Variants in CYP2B6 observed in about 807,000 individuals in gnomAD.
CYP2B6 encodes the protein cytochrome P450 family 2 subfamily B member 6, also known as cytochrome P450 2B6.
In CYP2B6, 35 loss-of-function variants were observed where a neutral mutation model predicts 43.4. The observed-to-expected ratio is 0.81, with a 90% CI of 0.62 to 1.07. The LOEUF is 1.07. CYP2B6 is among the 50% of genes least tolerant of loss of function. CYP2B6 has a pLI of 0.00. For missense variants in CYP2B6, 624 were observed against 632.8 expected (o/e 0.99, Z 0.15); for synonymous variants, 239 against 239.2 (o/e 1.00, Z 0.01).
In CYP2B6 at chr19:41,012,423, C is replaced by A. The variant is rs776037494; in HGVS notation, c.1090C>A (p.Pro364Thr). The A allele has an allele frequency of 6.2e-7, 1 of 1,614,128 alleles. No individual in the cohort carries two copies. The highest frequency in any genetic ancestry group is 1.1e-5 in the South Asian group (1 of 91,086). ...GATTCAGAGATTTTCCGACCTTCTC[C>A]CCATGGGTGTGCCCCACATTGTCAC... ...YEIQRFSDLLPMGVPHIVTQH... is the reference protein window; with the variant it reads ...YEIQRFSDLLTMGVPHIVTQH... The change falls in exon 7 of 9, where the codon CCC becomes ACC. Residue 364 changes from proline (P) to threonine (T), a missense_variant. Physicochemically the swap from Pro to Thr is conservative, Grantham distance 38 (BLOSUM62 -1). Coordinates refer to ENST00000324071, the MANE Select transcript of CYP2B6 (RefSeq NM_000767.5).
At chr19:41,007,624 ATT>A (rs10617307) in intron 4 of CYP2B6, 6,996 of 147,030 alleles carry the variant, frequency 0.048, 546 homozygotes, top group African/African-American at 0.16. Context: ...CACCTGGCTA[ATT>A]TTTTTTTTTT....
chr19:40,993,415 A>G (rs1968951926), intron 1 of CYP2B6, among the ~76,000 whole-genome samples: 1 of 152,164 alleles, frequency 6.6e-6, no homozygotes, highest in African/African-American at 2.4e-5. Context: ...ACTTACAATC[A>G]TGATGGAAGG....
chr19:41,016,983 T>G lies in CYP2B6; in HGVS notation c.*156T>G, dbSNP rs3211376. The G allele has an allele frequency of 2.1e-4, 139 of 673,348 alleles. 1 individual carries two copies. Among genetic ancestry groups the G allele is most frequent in the African/African-American group, 6.3e-4 (35 of 55,160 alleles). 41.7% of individuals were successfully genotyped at this position (673,348 alleles called of 1,614,324 possible). Reference sequence around the variant, plus strand: ...ATGGCACCAGTTGTCTGAGGTCACATTGCAAGTGAGTGCAGGAGTGAGATT... The same window carrying G: ...ATGGCACCAGTTGTCTGAGGTCACAGTGCAAGTGAGTGCAGGAGTGAGATT... On this transcript the variant is annotated 3_prime_UTR_variant, in exon 9 of 9. Transcript: ENST00000324071.
intron 6 of CYP2B6, among the ~76,000 whole-genome samples, chr19:41,011,430 T>C (rs1568562696): frequency 6.6e-6 from 1 of 152,244 alleles, no homozygotes; most frequent in African/African-American, 2.4e-5. Flanking sequence ...AGTGATTAAT[T>C]AATCAATCCA....
chr19:41,005,698 T>C (rs1969168396), intron 3 of CYP2B6, among the ~76,000 whole-genome samples: 1 of 152,064 alleles, frequency 6.6e-6, no homozygotes, highest in South Asian at 2.1e-4. Context: ...GGAGAATTGA[T>C]TGAGCCTGGG....
At chr19:40,995,699 C>T (rs1307765653) in intron 1 of CYP2B6, among the ~76,000 whole-genome samples, 6 of 152,192 alleles carry the variant, frequency 3.9e-5, no homozygotes, top group Non-Finnish European at 8.8e-5. Context: ...TACAAGAGAT[C>T]TATCTATGTC....
chr19:41,007,879 G>A (rs1969218108), intron 4 of CYP2B6, among the ~76,000 whole-genome samples: 1 of 152,086 alleles, frequency 6.6e-6, no homozygotes, highest in East Asian at 1.9e-4. Flanking sequence ...GCCCGCCTCA[G>A]ACTCCTAAAG....
At chr19:40,993,661 C>T (rs1968956908) in intron 1 of CYP2B6, among the ~76,000 whole-genome samples, 1 of 152,154 alleles carries the variant, frequency 6.6e-6, no homozygotes, top group East Asian at 1.9e-4. Flanking sequence ...AACCATATCA[C>T]TTACCATCAC....
At chr19:41,009,475 T>TCC in intron 5 of CYP2B6, 80 bp downstream of exon 5, 1 of 1,222,066 alleles carries the variant, frequency 8.2e-7, no homozygotes, top group Non-Finnish European at 1.1e-6. Context: ...GGAAAAGGGG[T>TCC]AGGGAAGGGG....
intron 3 of CYP2B6, among the ~76,000 whole-genome samples, chr19:41,006,675 G>C (rs536012403): frequency 6.6e-6 from 1 of 151,900 alleles, no homozygotes; most frequent in African/African-American, 2.4e-5. Flanking sequence ...TCAGCCTCTC[G>C]GTCTGCCCAT....
At position 41,012,743 on chromosome 19, in the gene CYP2B6, T is replaced by A; in HGVS notation, c.1222T>A (p.Phe408Ile). ...ACACTACTTTGAAAAACCAGACGCCTTCAATCCTGACCACTTTCTGGATGC... is the reference window on the plus strand; with the variant it reads ...ACACTACTTTGAAAAACCAGACGCCATCAATCCTGACCACTTTCTGGATGC... The part of the protein sequence containing the change: ...DPHYFEKPDA[F>I]NPDHFLDANG... The change falls in exon 8 of 9, where the codon TTC becomes ATC. Residue 408 changes from phenylalanine (F) to isoleucine (I), a missense_variant. By Grantham distance (21) the Phe-to-Ile change is conservative (BLOSUM62 0). Transcript: ENST00000324071. The A allele has an allele frequency of 1.2e-6, 2 of 1,614,126 alleles. No individual in the cohort carries two copies. Among genetic ancestry groups the A allele is most frequent in the Non-Finnish European group, 1.7e-6 (2 of 1,180,022 alleles).
chr19:41,016,561 C>A, intron 8 of CYP2B6, 85 bp from the exon 9 acceptor site: 1 of 1,431,998 alleles, frequency 7.0e-7, no homozygotes, highest in Non-Finnish European at 9.8e-7. Context: ...TTGCAGTGGA[C>A]ATTTGTGTCT....
intron 4 of CYP2B6, among the ~76,000 whole-genome samples, 159 bp from the exon 5 acceptor site, chr19:41,009,060 G>C (rs12721650): frequency 0.051 from 7,565 of 148,840 alleles, 615 homozygotes; most frequent in African/African-American, 0.18. Flanking sequence ...ATGTGAGATA[G>C]ATCAAAGGAG....
In CYP2B6 at chr19:41,012,775, G is replaced by A. The variant is rs1233820342; in HGVS notation, c.1254G>A (p.Gly418=). 1.9e-6 allele frequency: 3 copies of A among 1,613,916 alleles called. No homozygotes were observed. Among genetic ancestry groups the A allele is most frequent in the African/African-American group, 2.7e-5 (2 of 74,852 alleles). Residue 418 remains glycine, a synonymous_variant, in exon 8 of 9, where the codon GGG becomes GGA. Transcript: ENST00000324071. ...CTGACCACTTTCTGGATGCCAATGG[G>A]GCACTGAAAAAGACTGAAGCTTTTA... is the stretch of plus-strand genomic sequence containing the variant. The part of the protein sequence containing the change: ...FNPDHFLDAN[G]ALKKTEAFIP...
At position 41,001,074 on chromosome 19, in the gene CYP2B6, A is replaced by T. The variant is rs186252259; in HGVS notation, c.172-2927A>T. The stretch of plus-strand genomic sequence containing the variant: ...CCAAACAGAAACAAACAAACAAACA[A>T]AATTAGTGATAGTGATGCTCAGCCT... On this transcript the variant is annotated intron_variant, in intron 1 of 8. Transcript: ENST00000324071. Among the ~76,000 whole-genome samples, 67 of 152,104 alleles carry T rather than the reference A, an allele frequency of 4.4e-4. 1 individual carries two copies. The highest frequency in any genetic ancestry group is 1.6e-3 in the African/African-American group (66 of 41,442).
rs187656229 is a variant in CYP2B6 at position 41,015,391 on chromosome 19, C to A, written c.1295-1255C>A. On this transcript the variant is annotated intron_variant, in intron 8 of 8. Coordinates refer to ENST00000324071, the MANE Select transcript of CYP2B6 (RefSeq NM_000767.5). ...TCTGGGTATGCCAAAGGGATGTGGA[C>A]ACTTTTCCAAACACCTCCACATAGA... Among the ~76,000 whole-genome samples the A allele has an allele frequency of 5.5e-4, 84 of 152,298 alleles. 1 individual carries two copies. The highest frequency in any genetic ancestry group is 4.4e-4 in the Non-Finnish European group (30 of 68,018).
At chr19:41,003,107 G>C (rs562163590) in intron 1 of CYP2B6, among the ~76,000 whole-genome samples, 2 of 152,118 alleles carry the variant, frequency 1.3e-5, no homozygotes, top group South Asian at 4.2e-4. Context: ...TTTTTGCTGG[G>C]CATGTACCTG....
At position 41,001,141 on chromosome 19, in the gene CYP2B6, G is replaced by A. The variant is rs576225953; in HGVS notation, c.172-2860G>A. Reference sequence around the variant, plus strand: ...CAGTGGCACACAACTGGGAAAAGGGGAAGCTGAGATCCAGCAGGAGGTCTG... The same window carrying A: ...CAGTGGCACACAACTGGGAAAAGGGAAAGCTGAGATCCAGCAGGAGGTCTG... On this transcript the variant is annotated intron_variant, in intron 1 of 8. Coordinates refer to ENST00000324071, the MANE Select transcript of CYP2B6 (RefSeq NM_000767.5). Among the ~76,000 whole-genome samples, 189 of 152,228 alleles carry A rather than the reference G, an allele frequency of 1.2e-3. 2 individuals carry two copies. The highest frequency in any genetic ancestry group is 4.2e-3 in the African/African-American group (174 of 41,484).
chr19:40,999,635 C>T (rs1349641236), intron 1 of CYP2B6, among the ~76,000 whole-genome samples: 2 of 151,930 alleles, frequency 1.3e-5, no homozygotes, highest in African/African-American at 2.4e-5. Flanking sequence ...TTGTGGCTAC[C>T]TTATTAGTTC....
Sources: gnomAD v4.1 joint callset for allele counts (sites outside exome capture counted in the v4.1 genomes callset) on GRCh38, gnomAD v4.1.1 for gene constraint, MANE v1.5 for transcripts, NCBI Gene and HGNC (gene_info 2026-07-23, HGNC 2026-07-21) for gene names.